Variants in USP32 observed in about 807,000 individuals in gnomAD.
USP32 encodes the protein ubiquitin carboxyl-terminal hydrolase 32.
Under a neutral mutation model 204.8 loss-of-function variants are expected in USP32, and 59 were observed. The observed-to-expected ratio is 0.29, with a 90% CI of 0.23 to 0.36. The LOEUF (loss-of-function observed/expected upper bound fraction) is 0.36, where lower values mean the gene tolerates loss of function less well. Ranked by LOEUF, USP32 falls within the 10% of genes least tolerant of loss-of-function variation. The probability of loss-of-function intolerance (pLI) is 1.00; values close to 1 mark genes in which losing one functional copy is unlikely to be tolerated. For missense variants in USP32, 1,160 were observed against 1,946.4 expected, an observed-to-expected ratio of 0.60 and a Z score of 7.60; for synonymous variants, 517 against 678.4, an observed-to-expected ratio of 0.76 and a Z score of 3.70.
intron 11 of USP32, among the ~76,000 whole-genome samples, chr17:60,241,498 A>G (rs2085878134): frequency 6.6e-6 from 1 of 152,146 alleles, no homozygotes; most frequent in Non-Finnish European, 1.5e-5. Context: ...CTCTTTCTTC[A>G]GAGTTCCAAC....
At chr17:60,324,615 T>C (rs1465023459) in intron 2 of USP32, among the ~76,000 whole-genome samples, 1 of 152,204 alleles carries the variant, frequency 6.6e-6, no homozygotes, top group Non-Finnish European at 1.5e-5. Context: ...ATTGATACCT[T>C]ATCTTGATGT....
At chr17:60,336,523 G>A (rs1598260732) in intron 2 of USP32, among the ~76,000 whole-genome samples, 1 of 134,834 alleles carries the variant, frequency 7.4e-6, no homozygotes, top group Admixed American at 7.2e-5. Context: ...AGACCATCCC[G>A]GCTAAAACGG....
At chr17:60,226,852 A>AGTTCAAGACCAGCCT (rs59791976) in intron 12 of USP32, among the ~76,000 whole-genome samples, 10,128 of 151,934 alleles carry the variant, frequency 0.067, 1,202 homozygotes, top group African/African-American at 0.23. Flanking sequence ...TGAGGTCAGG[A>AGTTCAAGACCAGCCT]GGCCAAAATG....
intron 1 of USP32, among the ~76,000 whole-genome samples, chr17:60,412,488 T>C (rs141306183): frequency 1.0e-3 from 152 of 151,250 alleles, no homozygotes; most frequent in African/African-American, 3.6e-3. Flanking sequence ...TGAGCTATGA[T>C]TGCACCACTG....
At chr17:60,400,171 G>C (rs1450468834) in intron 1 of USP32, among the ~76,000 whole-genome samples, 1 of 152,130 alleles carries the variant, frequency 6.6e-6, no homozygotes, top group Non-Finnish European at 1.5e-5. Flanking sequence ...CACCACGTTG[G>C]CCAGGCTGGT....
chr17:60,349,676 TAC>T (rs551241314), intron 1 of USP32, among the ~76,000 whole-genome samples: 5 of 131,184 alleles, frequency 3.8e-5, no homozygotes, highest in South Asian at 2.3e-4. Flanking sequence ...CATATATATA[TAC>T]ACACATATAT....
chr17:60,357,989 G>T (rs896570566), intron 1 of USP32, among the ~76,000 whole-genome samples: 1 of 151,654 alleles, frequency 6.6e-6, no homozygotes, highest in Non-Finnish European at 1.5e-5. Flanking sequence ...GGCTGGTCTC[G>T]AACTCCTGAC....
At chr17:60,401,998 C>A (rs765683008) in intron 1 of USP32, among the ~76,000 whole-genome samples, 1 of 152,084 alleles carries the variant, frequency 6.6e-6, no homozygotes, top group Non-Finnish European at 1.5e-5. Context: ...TCATGGGCAA[C>A]CTTTCTGGAA....
At chr17:60,312,865 A>G (rs1012779666) in intron 2 of USP32, among the ~76,000 whole-genome samples, 6 of 152,320 alleles carry the variant, frequency 3.9e-5, no homozygotes, top group African/African-American at 1.4e-4. Flanking sequence ...AACACAACAT[A>G]AGGCCCATGG....
At chr17:60,395,412 G>A (rs1020526880), upstream of USP32, among the ~76,000 whole-genome samples, 4 of 152,224 alleles carry the variant, frequency 2.6e-5, no homozygotes, top group Non-Finnish European at 4.4e-5. Context: ...AGTTGTGTCT[G>A]ATGGGAATTT....
intron 15 of USP32, 48 bp downstream of exon 15, chr17:60,222,361 C>T (rs371245807): frequency 2.6e-4 from 408 of 1,574,386 alleles, no homozygotes; most frequent in Non-Finnish European, 2.9e-4. Flanking sequence ...AACAGAAGAC[C>T]CCCATCTATG....
intron 1 of USP32, among the ~76,000 whole-genome samples, chr17:60,416,420 A>C (rs1019373746): frequency 1.3e-5 from 2 of 152,164 alleles, no homozygotes; most frequent in Non-Finnish European, 2.9e-5. Flanking sequence ...ACCTGCATAA[A>C]GAGGGGGGTG....
intron 1 of USP32, among the ~76,000 whole-genome samples, chr17:60,370,091 G>A (rs528200144): frequency 1.3e-5 from 2 of 151,720 alleles, no homozygotes; most frequent in South Asian, 4.2e-4. Context: ...TGTTGCCCAG[G>A]CTGGATTGCA....
At chr17:60,228,548 G>A (rs2085459384) in intron 12 of USP32, among the ~76,000 whole-genome samples, 1 of 146,342 alleles carries the variant, frequency 6.8e-6, no homozygotes, top group African/African-American at 2.5e-5. Flanking sequence ...CAGGGATGGT[G>A]GCTCATGTCT....
At chr17:60,371,404 T>TA (rs1275878279) in intron 1 of USP32, among the ~76,000 whole-genome samples, 1 of 151,776 alleles carries the variant, frequency 6.6e-6, no homozygotes, top group Non-Finnish European at 1.5e-5. Flanking sequence ...CCGTCTCTAC[T>TA]AAAAATACAA....
chr17:60,413,121 A>T (rs1186780930), intron 1 of USP32, among the ~76,000 whole-genome samples: 1 of 152,210 alleles, frequency 6.6e-6, no homozygotes, highest in Non-Finnish European at 1.5e-5. Flanking sequence ...GAGTGAAGAA[A>T]ATAGTACAAA....
chr17:60,243,050 C>T (rs1371531611), intron 11 of USP32, among the ~76,000 whole-genome samples: 2 of 152,208 alleles, frequency 1.3e-5, no homozygotes. Context: ...TTGTATCTTT[C>T]AGTGCACAAG....
At chr17:60,332,293 A>T (rs537943210) in intron 2 of USP32, among the ~76,000 whole-genome samples, 2 of 151,894 alleles carry the variant, frequency 1.3e-5, no homozygotes, top group African/African-American at 4.8e-5. Flanking sequence ...TTTGTCATGC[A>T]TATATACCAA....
intron 7 of USP32, among the ~76,000 whole-genome samples, chr17:60,267,385 C>G (rs995406541): frequency 7.9e-5 from 12 of 152,054 alleles, no homozygotes; most frequent in African/African-American, 2.9e-4. Flanking sequence ...GCCCAAGCAA[C>G]AGTGCGAGAC....
Sources: gnomAD v4.1 joint callset for allele counts (sites outside exome capture counted in the v4.1 genomes callset) on GRCh38, gnomAD v4.1.1 for gene constraint, MANE v1.5 for transcripts, NCBI Gene and HGNC (gene_info 2026-07-23, HGNC 2026-07-21) for gene names.